Variants in NCAM1 observed in about 807,000 individuals in gnomAD.
NCAM1 encodes neural cell adhesion molecule 1.
NCAM1 carries 14 observed loss-of-function variants against 109.8 expected under a neutral mutation model. The observed-to-expected ratio is 0.13, with a 90% CI of 0.08 to 0.20. The LOEUF (loss-of-function observed/expected upper bound fraction) is 0.20, where lower values mean the gene tolerates loss of function less well. Ranked by LOEUF, NCAM1 falls within the 10% of genes least tolerant of loss-of-function variation. The probability of loss-of-function intolerance (pLI) is 1.00; values close to 1 mark genes in which losing one functional copy is unlikely to be tolerated. For synonymous variants in NCAM1, 418 were observed against 442.9 expected (o/e 0.94, Z 0.70); for missense variants, 774 against 1,109.9 (o/e 0.70, Z 4.30).
intron 1 of NCAM1, among the ~76,000 whole-genome samples, chr11:113,071,633 G>C (rs1419630684): frequency 6.6e-6 from 1 of 151,978 alleles, no homozygotes; most frequent in African/African-American, 2.4e-5. Flanking sequence ...CACCGTGTTA[G>C]CCAGGATGGT....
intron 1 of NCAM1, among the ~76,000 whole-genome samples, chr11:113,082,156 T>A (rs17114773): frequency 0.053 from 8,008 of 152,266 alleles, 587 homozygotes; most frequent in Admixed American, 0.17. Context: ...CATTTTGTTG[T>A]AAGACCAGTT....
intron 1 of NCAM1, chr11:113,130,897 G>A (rs1941358592): frequency 6.6e-6 from 1 of 152,206 alleles, no homozygotes; most frequent in Non-Finnish European, 1.5e-5. Context: ...AGGTAGAATG[G>A]TGGTATTGTT....
At chr11:113,121,019 T>C (rs1249650768) in intron 1 of NCAM1, among the ~76,000 whole-genome samples, 1 of 152,130 alleles carries the variant, frequency 6.6e-6, no homozygotes, top group African/African-American at 2.4e-5. Flanking sequence ...AGTTTTCATC[T>C]TTCCTGGTTA....
chr11:113,015,799 TC>T (rs1252032298), intron 1 of NCAM1, among the ~76,000 whole-genome samples: 2 of 151,964 alleles, frequency 1.3e-5, no homozygotes, highest in Non-Finnish European at 2.9e-5. Flanking sequence ...GGATCTAAGA[TC>T]TAGATATATA....
At chr11:113,191,588 C>T (rs1555109865) in intron 1 of NCAM1, among the ~76,000 whole-genome samples, 4 of 152,166 alleles carry the variant, frequency 2.6e-5, no homozygotes. Context: ...TATTTAACCT[C>T]TCCATTCCTC....
chr11:112,997,453 T>C (rs1484063572), intron 1 of NCAM1, among the ~76,000 whole-genome samples: 1 of 152,160 alleles, frequency 6.6e-6, no homozygotes, highest in Non-Finnish European at 1.5e-5. Context: ...GTATGAAAAA[T>C]GTTTTTGCCT....
At chr11:112,989,300 T>A (rs1951398430) in intron 1 of NCAM1, among the ~76,000 whole-genome samples, 1 of 152,132 alleles carries the variant, frequency 6.6e-6, no homozygotes, top group African/African-American at 2.4e-5. Context: ...CTCTTTTTCA[T>A]TATTTTTCCT....
At chr11:113,221,458 C>G in intron 9 of NCAM1, 133 bp downstream of exon 9, 1 of 880,646 alleles carries the variant, frequency 1.1e-6, no homozygotes, top group East Asian at 2.7e-5. Context: ...TAGTGGTAGA[C>G]ATTACTTAGC....
At chr11:113,257,199 C>A (rs1945855838) in intron 16 of NCAM1, among the ~76,000 whole-genome samples, 1 of 152,200 alleles carries the variant, frequency 6.6e-6, no homozygotes, top group African/African-American at 2.4e-5. Context: ...AAGGATTGGG[C>A]AGGTGGCCCC....
At chr11:113,140,356 T>C (rs782294613) in intron 1 of NCAM1, among the ~76,000 whole-genome samples, 11 of 152,166 alleles carry the variant, frequency 7.2e-5, no homozygotes, top group Non-Finnish European at 1.5e-4. Flanking sequence ...TGGGCTCAAA[T>C]AGGTCAGTGT....
intron 7 of NCAM1, among the ~76,000 whole-genome samples, chr11:113,212,961 A>G (rs991069297): frequency 6.6e-6 from 1 of 152,230 alleles, no homozygotes; most frequent in African/African-American, 2.4e-5. Flanking sequence ...TGTGCTATCC[A>G]TCAAAAAAGG....
intron 1 of NCAM1, among the ~76,000 whole-genome samples, chr11:113,126,155 CA>C (rs5794846): frequency 0.63 from 88,210 of 140,668 alleles, 28,598 homozygotes; most frequent in Middle Eastern, 0.81. Flanking sequence ...TACCCTTTCT[CA>C]AAAAAAAAAA....
chr11:113,067,812 C>T (rs1230455255), intron 1 of NCAM1, among the ~76,000 whole-genome samples: 5 of 151,238 alleles, frequency 3.3e-5, no homozygotes, highest in African/African-American at 1.2e-4. Context: ...GTCGTGTTAA[C>T]AAAGTTAAAG....
chr11:113,272,017 G>T, intron 19 of NCAM1, 141 bp downstream of exon 19: 1 of 579,378 alleles, frequency 1.7e-6, no homozygotes, highest in South Asian at 2.4e-5. Context: ...TTGGCCACAA[G>T]ACCTGCTTGG....
At chr11:113,000,913 A>G (rs1453170020) in intron 1 of NCAM1, among the ~76,000 whole-genome samples, 10 of 150,466 alleles carry the variant, frequency 6.6e-5, no homozygotes, top group South Asian at 2.1e-4. Flanking sequence ...GTATATGTGT[A>G]TGTATATAGC....
chr11:113,206,193 C>T lies in NCAM1; in HGVS notation c.628+13C>T, dbSNP rs369920955. ...GTCATTGTGAATGGTGAGGAGAGTC[C>T]GTTCTTCCTGATCTCTGCATTGCTA... is the stretch of plus-strand genomic sequence containing the variant. On this transcript the variant is annotated intron_variant, in intron 5 of 19. Coordinates refer to ENST00000316851, the MANE Select transcript of NCAM1 (RefSeq NM_181351.5). 5.0e-5 allele frequency: 80 copies of T among 1,597,704 alleles called. No homozygotes were observed. Among genetic ancestry groups the T allele is most frequent in the Non-Finnish European group, 5.8e-5 (68 of 1,173,122 alleles).
At chr11:113,244,018 G>C (rs558554692) in intron 14 of NCAM1, among the ~76,000 whole-genome samples, 1 of 152,230 alleles carries the variant, frequency 6.6e-6, no homozygotes, top group East Asian at 1.9e-4. Flanking sequence ...AGCAGAGCCG[G>C]TGACAACAGG....
rs568391383 is a variant in NCAM1 at position 113,214,489 on chromosome 11, G to A, written c.1037G>A (p.Arg346Gln). The change falls in exon 8 of 20, where the codon CGG (arginine) becomes CAG (glutamine). Residue 346 changes from arginine to glutamine, a missense_variant. Physicochemically the swap from Arg to Gln is conservative, Grantham distance 43. This residue lies in a region of NCAM1 where 523 missense variants were observed against 784.2 expected (regional missense o/e 0.67). Coordinates refer to ENST00000316851, the MANE Select transcript of NCAM1 (RefSeq NM_181351.5). ...IPSITWRTST[R>Q]NISSEEKASW... ...TCCATCACCTGGAGGACTTCTACCC[G>A]GAACATCAGCAGCGAAGAAAAGGTA... 277 of 1,610,548 alleles carry A rather than the reference G, an allele frequency of 1.7e-4. 7 individuals carry two copies. In the South Asian group the frequency reaches 2.1e-3, roughly 12 times the overall value.
chr11:113,114,422 C>T (rs983314659), intron 1 of NCAM1, among the ~76,000 whole-genome samples: 1 of 152,194 alleles, frequency 6.6e-6, no homozygotes, highest in Non-Finnish European at 1.5e-5. Flanking sequence ...GCTTCTCTGC[C>T]TAAGAAGCCT....
Sources: allele counts gnomAD v4.1 joint callset (sites outside exome capture counted in the v4.1 genomes callset), GRCh38; gene constraint gnomAD v4.1.1; regional missense constraint gnomAD v4.1.1; transcripts MANE v1.5; gene names NCBI Gene and HGNC (gene_info 2026-07-23, HGNC 2026-07-21).